The following RSPO4 variants were observed in gnomAD, a reference collection of about 807,000 sequenced individuals.
RSPO4 encodes R-spondin 4, also known as R-spondin-4.
RSPO4 carries 23 observed loss-of-function variants against 24.8 expected under a neutral mutation model. The observed-to-expected ratio is 0.93, with a 90% CI of 0.67 to 1.31. The LOEUF is 1.31. Among genes scored for constraint, RSPO4 ranks in the 40% most tolerant of loss-of-function variants. RSPO4 has a pLI of 0.00. For synonymous variants in RSPO4, 141 were observed against 127.4 expected, an observed-to-expected ratio of 1.11 and a Z score of -0.72; for missense variants, 333 against 316.5, an observed-to-expected ratio of 1.05 and a Z score of -0.39.
chr20:993,404 G>C (rs1239313962), intron 1 of RSPO4, among the ~76,000 whole-genome samples: 1 of 152,180 alleles, frequency 6.6e-6, no homozygotes, highest in Non-Finnish European at 1.5e-5. Flanking sequence ...CCGAGGGCGG[G>C]GCTGAGGGCA....
rs370873974 is a variant in RSPO4 at position 963,966 on chromosome 20, C to T, written c.564G>A (p.Arg188=). ...GGCAGGGCCTCTGGATGGGACATTT[C>T]CTTGACTCAGAAAGCACCTGGCAGG... ...AATCQVLSES[R]KCPIQRPCPG... Residue 188 remains arginine (R), a synonymous_variant, in exon 4 of 5, where the codon AGG becomes AGA. Transcript: ENST00000217260. 5.6e-6 allele frequency: 9 copies of T among 1,613,958 alleles called. No homozygotes were observed. Among genetic ancestry groups the T allele is most frequent in the Non-Finnish European group, 6.8e-6 (8 of 1,180,044 alleles).
Position 968,134 on chromosome 20 carries a change from G to T in RSPO4, c.84C>A (p.Gly28=). The T allele has an allele frequency of 6.2e-7, 1 of 1,613,890 alleles. No homozygotes were observed. The highest frequency in any genetic ancestry group is 8.5e-7 in the Non-Finnish European group (1 of 1,179,906). Residue 28 remains glycine (G), a synonymous_variant, in exon 2 of 5, where the codon GGC becomes GGA. Transcript: ENST00000217260. ...CTGTGCAGTTGCCCCCCAGGCCAGT[G>T]CCCACTGCCCACAAGACCAGGGCAG... ...LALNRRKKQV[G]TGLGGNCTGC...
At chr20:1,001,532 A>G (rs1160349478) in intron 1 of RSPO4, among the ~76,000 whole-genome samples, 1 of 152,162 alleles carries the variant, frequency 6.6e-6, no homozygotes, top group Non-Finnish European at 1.5e-5. Context: ...GTCATCCCCT[A>G]TTAGAATAAG....
rs1983940950 is a variant in RSPO4, at chr20:960,215, A to G, written c.*142T>C. ...AAAAAGAAAGGGAAGGTAGACTGAC[A>G]GAAAAATGATAGAAGGGTGGAAAGA... On this transcript the variant is annotated 3_prime_UTR_variant, in exon 5 of 5. Transcript: ENST00000217260. The G allele has an allele frequency of 4.7e-6, 3 of 633,390 alleles. No individual in the cohort carries two copies. The highest frequency in any genetic ancestry group is 2.8e-6 in the Non-Finnish European group (1 of 356,204). 39.2% of individuals were successfully genotyped at this position (633,390 alleles called of 1,614,324 possible).
intron 1 of RSPO4, among the ~76,000 whole-genome samples, chr20:996,974 C>T (rs1049811359): frequency 8.5e-5 from 13 of 152,352 alleles, no homozygotes; most frequent in African/African-American, 3.1e-4. Flanking sequence ...GCAGCCCTGG[C>T]AAATCACTGG....
intron 1 of RSPO4, among the ~76,000 whole-genome samples, chr20:994,855 C>A (rs893061667): frequency 6.6e-6 from 1 of 152,122 alleles, no homozygotes; most frequent in Non-Finnish European, 1.5e-5. Context: ...TGAGCCACTG[C>A]GCCTGGCTCC....
rs369311640 is a variant in RSPO4 at position 979,399 on chromosome 20, A to G, written c.80-11261T>C. Among the ~76,000 whole-genome samples the G allele has an allele frequency of 4.0e-3, 607 of 152,298 alleles. 2 individuals carry two copies. Among genetic ancestry groups the G allele is most frequent in the African/African-American group, 0.014 (589 of 41,558 alleles). ...TTCTTAGATACTAATTTGCCACGTC[A>G]ACTCCTGACTAACCCTGAGTCCAGT... is the stretch of plus-strand genomic sequence containing the variant. On this transcript the variant is annotated intron_variant, in intron 1 of 4. Coordinates refer to ENST00000217260, the MANE Select transcript of RSPO4 (RefSeq NM_001029871.4).
chr20:996,571 C>G (rs1489766025), intron 1 of RSPO4, among the ~76,000 whole-genome samples: 3 of 152,156 alleles, frequency 2.0e-5, no homozygotes, highest in African/African-American at 4.8e-5. Context: ...ATACTTTAGG[C>G]TTTTTGCACC....
intron 1 of RSPO4, among the ~76,000 whole-genome samples, chr20:984,065 C>T (rs184715648): frequency 1.1e-4 from 16 of 152,262 alleles, no homozygotes; most frequent in Non-Finnish European, 1.5e-4. Flanking sequence ...AGGCCAGGCA[C>T]GGTGGTTCAC....
In RSPO4 at chr20:981,699, G is replaced by A. The variant is rs529969715; in HGVS notation, c.80-13561C>T. Among the ~76,000 whole-genome samples the A allele has an allele frequency of 1.3e-5, 2 of 152,316 alleles. No individual in the cohort carries two copies. The highest frequency in any genetic ancestry group is 3.9e-4 in the East Asian group (2 of 5,176). On this transcript the variant is annotated intron_variant, in intron 1 of 4. Transcript: ENST00000217260. The surrounding 1 kb of genome is among the most constrained non-coding windows in gnomAD (Gnocchi z 4.6). ...GGCTGGGTTCATGTGTGCCCGACAT[G>A]TGTGTGTTTGGGGGACAGGGGCAGG...
At chr20:994,170 C>A (rs1398335612) in intron 1 of RSPO4, among the ~76,000 whole-genome samples, 1 of 152,220 alleles carries the variant, frequency 6.6e-6, no homozygotes, top group Admixed American at 6.5e-5. Context: ...AACCACGAAA[C>A]AAAATCCAAA....
intron 1 of RSPO4, among the ~76,000 whole-genome samples, chr20:971,231 G>A (rs569672047): frequency 6.6e-6 from 1 of 152,360 alleles, no homozygotes; most frequent in South Asian, 2.1e-4. Context: ...GCAGCTCCTA[G>A]AGAGCTTGTT....
At chr20:980,848 C>T (rs778560494) in intron 1 of RSPO4, among the ~76,000 whole-genome samples, 3 of 152,064 alleles carry the variant, frequency 2.0e-5, no homozygotes, top group Non-Finnish European at 4.4e-5. Context: ...TATGGTGTGC[C>T]CAGGGTTGTA....
chr20:974,046 G>T (rs564010013), intron 1 of RSPO4, among the ~76,000 whole-genome samples: 1 of 152,168 alleles, frequency 6.6e-6, no homozygotes, highest in South Asian at 2.1e-4. Flanking sequence ...GGGTGCAGGC[G>T]CTTGAATGTT....
intron 1 of RSPO4, among the ~76,000 whole-genome samples, chr20:989,596 G>C (rs145127501): frequency 5.3e-5 from 8 of 152,274 alleles, no homozygotes; most frequent in African/African-American, 1.9e-4. Context: ...GGAACACAGG[G>C]AGTTGGGGGC....
At position 981,168 on chromosome 20, in the gene RSPO4, A is replaced by C. The variant is rs2122239275; in HGVS notation, c.80-13030T>G. On this transcript the variant is annotated intron_variant, in intron 1 of 4. Coordinates refer to ENST00000217260, the MANE Select transcript of RSPO4 (RefSeq NM_001029871.4). This position sits in a 1 kb window ranked among gnomAD's most constrained non-coding sequence, Gnocchi z 4.6. Reference sequence around the variant, plus strand: ...AACCCCAGACTCATTCTACTGTGTCACACTGCCTTACCCTGTTGGTCTGAT... The same window carrying C: ...AACCCCAGACTCATTCTACTGTGTCCCACTGCCTTACCCTGTTGGTCTGAT... 6.6e-6 allele frequency among the ~76,000 whole-genome samples: 1 copy of C among 152,338 alleles called. No individual in the cohort carries two copies. Among genetic ancestry groups the C allele is most frequent in the Non-Finnish European group, 1.5e-5 (1 of 68,032 alleles).
Position 960,389 on chromosome 20 carries a change from C to A in RSPO4, c.673G>T (p.Val225Leu). The A allele has an allele frequency of 1.3e-6, 2 of 1,538,428 alleles. No individual in the cohort carries two copies. Among genetic ancestry groups the A allele is most frequent in the Non-Finnish European group, 1.7e-6 (2 of 1,147,292 alleles). Residue 225 changes from valine (V) to leucine (L), a missense_variant, in exon 5 of 5, where the codon GTG (valine) becomes TTG (leucine). By Grantham distance (32) the Val-to-Leu change is conservative (BLOSUM62 1). Coordinates refer to ENST00000217260, the MANE Select transcript of RSPO4 (RefSeq NM_001029871.4). ...TGCAGGCCGGGCTGGCGCGGCCTCA[C>A]GTCCAGCCTGCGGTCCAGCTTCCTG... ...KDRKLDRRLD[V>L]RPRQPGLQP
At chr20:986,118 G>C (rs1488430996) in intron 1 of RSPO4, among the ~76,000 whole-genome samples, 4 of 152,340 alleles carry the variant, frequency 2.6e-5, no homozygotes, top group African/African-American at 9.6e-5. Flanking sequence ...AGTGGGGATG[G>C]GGTAGTGAGG....
At chr20:1,001,576 C>A (rs912501368) in intron 1 of RSPO4, among the ~76,000 whole-genome samples, 4 of 152,182 alleles carry the variant, frequency 2.6e-5, no homozygotes, top group African/African-American at 9.6e-5. Flanking sequence ...TCTGGCTGAA[C>A]TCAACATAGG....
Sources: allele counts gnomAD v4.1 joint callset (sites outside exome capture counted in the v4.1 genomes callset), GRCh38; gene constraint gnomAD v4.1.1; non-coding constraint Gnocchi (gnomAD v3.1); transcripts MANE v1.5; gene names NCBI Gene and HGNC (gene_info 2026-07-23, HGNC 2026-07-21).